Variants in TTLL5 observed in about 807,000 individuals in gnomAD.
TTLL5 encodes the protein tubulin tyrosine ligase like 5.
Under a neutral mutation model 168.4 loss-of-function variants are expected in TTLL5, and 132 were observed. The observed-to-expected ratio is 0.78, with a 90% CI of 0.68 to 0.91. TTLL5 has a LOEUF of 0.91. Among genes scored for constraint, TTLL5 ranks in the 40% least tolerant of loss-of-function variants. The probability of loss-of-function intolerance (pLI) is 0.00; values close to 1 mark genes in which losing one functional copy is unlikely to be tolerated. For synonymous variants in TTLL5, 546 were observed against 558.6 expected (o/e 0.98, Z 0.32); for missense variants, 1,545 against 1,581.5 (o/e 0.98, Z 0.39).
At chr14:75,948,342 G>A (rs1390048393) in intron 31 of TTLL5, among the ~76,000 whole-genome samples, 12 of 151,984 alleles carry the variant, frequency 7.9e-5, no homozygotes, top group African/African-American at 2.2e-4. Flanking sequence ...AAAATTAGCC[G>A]GGTGTGGTAG....
chr14:75,802,682 A>G (rs1893390090), intron 27 of TTLL5, among the ~76,000 whole-genome samples: 1 of 152,244 alleles, frequency 6.6e-6, no homozygotes, highest in African/African-American at 2.4e-5. Context: ...GATATAACAC[A>G]TAGTCCTCAG....
intron 2 of TTLL5, among the ~76,000 whole-genome samples, chr14:75,663,618 C>G (rs570344126): frequency 2.6e-5 from 4 of 152,144 alleles, no homozygotes; most frequent in Admixed American, 6.5e-5. Flanking sequence ...TTCTCAAAAG[C>G]CTTTACAATG....
At position 75,682,452 on chromosome 14, in the gene TTLL5, G is replaced by A. The variant is rs117243563; in HGVS notation, c.264+825G>A. The stretch of plus-strand genomic sequence containing the variant: ...ATTTTCTCAAGGCACTGCCATGGGC[G>A]TGACTGGACTCCATTCATTGTCCTT... On this transcript the variant is annotated intron_variant, in intron 4 of 31. Coordinates refer to ENST00000298832, the MANE Select transcript of TTLL5 (RefSeq NM_015072.5). 5.8e-4 allele frequency among the ~76,000 whole-genome samples: 88 copies of A among 152,248 alleles called. 1 individual carries two copies. Among genetic ancestry groups the A allele is most frequent in the Non-Finnish European group, 1.2e-3 (79 of 68,000 alleles).
At chr14:75,749,201 G>A (rs1889797616) in intron 17 of TTLL5, among the ~76,000 whole-genome samples, 1 of 152,050 alleles carries the variant, frequency 6.6e-6, no homozygotes, top group African/African-American at 2.4e-5. Context: ...CCTAGAAAGT[G>A]TATCTTTTAA....
chr14:75,671,514 A>G (rs78967647), intron 3 of TTLL5, among the ~76,000 whole-genome samples: 2,346 of 152,282 alleles, frequency 0.015, 78 homozygotes, highest in African/African-American at 0.053. Context: ...GATGTTTTCT[A>G]TGAACATGGA....
chr14:75,816,339 G>C (rs1476179146), intron 27 of TTLL5, among the ~76,000 whole-genome samples: 1 of 152,202 alleles, frequency 6.6e-6, no homozygotes, highest in Admixed American at 6.5e-5. Flanking sequence ...AGAATCACTT[G>C]AACTCAGGAG....
intron 6 of TTLL5, among the ~76,000 whole-genome samples, chr14:75,692,122 G>T (rs1885508881): frequency 6.6e-6 from 1 of 152,208 alleles, no homozygotes; most frequent in Non-Finnish European, 1.5e-5. Context: ...CAACTTCTGT[G>T]TGCCTTAATG....
chr14:75,806,906 A>G (rs1466990368), intron 27 of TTLL5, among the ~76,000 whole-genome samples: 1 of 152,132 alleles, frequency 6.6e-6, no homozygotes, highest in Non-Finnish European at 1.5e-5. Flanking sequence ...TAAATGAAGA[A>G]CCCTCTGCTG....
chr14:75,707,661 TC>T lies in TTLL5; in HGVS notation c.696del (p.Tyr233MetfsTer35). ...CGTGCGCCTCTATGTGCTCGTGACTTCCTATGATCCTCTTGTCATCTATCTC... is the reference window on the plus strand; with the variant it reads ...CGTGCGCCTCTATGTGCTCGTGACTTCTATGATCCTCTTGTCATCTATCTC... ...FDVRLYVLVT[S>X]YDPLVIYLYE... On this transcript the variant is annotated frameshift_variant, in exon 9 of 32. Transcript: ENST00000298832. LOFTEE classifies it high-confidence loss of function. 3 of 1,613,398 alleles carry T rather than the reference TC, an allele frequency of 1.9e-6. No homozygotes were observed. Among genetic ancestry groups the T allele is most frequent in the Non-Finnish European group, 2.5e-6 (3 of 1,179,662 alleles).
chr14:75,672,494 C>T (rs978080550), intron 3 of TTLL5, among the ~76,000 whole-genome samples: 2 of 152,166 alleles, frequency 1.3e-5, no homozygotes, highest in African/African-American at 2.4e-5. Context: ...CCACCCGCCT[C>T]GGCCTCCCAA....
chr14:75,820,192 G>T, intron 28 of TTLL5, 31 bp downstream of exon 28: 3 of 1,540,940 alleles, frequency 1.9e-6, no homozygotes, highest in Non-Finnish European at 2.6e-6. Flanking sequence ...CTAGCATTTG[G>T]GTTACTCAGG....
chr14:75,887,695 A>G (rs895392639), intron 30 of TTLL5, among the ~76,000 whole-genome samples: 18 of 152,172 alleles, frequency 1.2e-4, no homozygotes, highest in African/African-American at 4.3e-4. Context: ...ACTGATTTCA[A>G]AGGTCCCTGC....
At chr14:75,715,876 C>T (rs767541261) in intron 9 of TTLL5, among the ~76,000 whole-genome samples, 1 of 151,786 alleles carries the variant, frequency 6.6e-6, no homozygotes, top group Non-Finnish European at 1.5e-5. Context: ...TGTTGGTACC[C>T]GATTCCAGCT....
intron 27 of TTLL5, among the ~76,000 whole-genome samples, chr14:75,800,136 A>G (rs1297256261): frequency 1.3e-5 from 2 of 152,006 alleles, no homozygotes; most frequent in East Asian, 1.9e-4. Flanking sequence ...CATAATCCCA[A>G]ACTTCTTGGA....
chr14:75,890,524 A>G (rs1452711373), intron 30 of TTLL5, among the ~76,000 whole-genome samples: 1 of 152,196 alleles, frequency 6.6e-6, no homozygotes, highest in East Asian at 1.9e-4. Flanking sequence ...TAGATGAAAG[A>G]TAATATTTTG....
intron 30 of TTLL5, among the ~76,000 whole-genome samples, chr14:75,898,868 A>G (rs1329132465): frequency 6.6e-6 from 1 of 152,204 alleles, no homozygotes; most frequent in African/African-American, 2.4e-5. Flanking sequence ...TTTTTGTCTT[A>G]TAGGCTGCCA....
intron 31 of TTLL5, among the ~76,000 whole-genome samples, chr14:75,924,341 G>T (rs1362916248): frequency 6.6e-6 from 1 of 151,080 alleles, no homozygotes; most frequent in Non-Finnish European, 1.5e-5. Context: ...AGGGGGAGTT[G>T]GCAGGGTCAT....
At chr14:75,904,952 C>T (rs951123559) in intron 31 of TTLL5, among the ~76,000 whole-genome samples, 2 of 152,158 alleles carry the variant, frequency 1.3e-5, no homozygotes, top group African/African-American at 4.8e-5. Flanking sequence ...GTTATTTGTA[C>T]AACTAGTAAG....
chr14:75,747,528 C>A (rs1889687230), intron 17 of TTLL5, among the ~76,000 whole-genome samples: 1 of 151,312 alleles, frequency 6.6e-6, no homozygotes, highest in African/African-American at 2.4e-5. Context: ...TTCTTTAAAC[C>A]CTTTTGAATT....
Sources: gnomAD v4.1 joint callset for allele counts (sites outside exome capture counted in the v4.1 genomes callset) on GRCh38, gnomAD v4.1.1 for gene constraint, MANE v1.5 for transcripts, NCBI Gene and HGNC (gene_info 2026-07-23, HGNC 2026-07-21) for gene names.